TBL1X: variants seen among roughly 807,000 people sequenced by gnomAD.
The protein encoded by TBL1X is transducin beta like 1 X-linked, also known as F-box-like/WD repeat-containing protein TBL1X.
TBL1X carries 10 observed loss-of-function variants against 50.7 expected under a neutral mutation model. That is an observed-to-expected ratio of 0.20 (90% CI 0.12 to 0.33). TBL1X has a LOEUF of 0.33. TBL1X is among the 10% of genes least tolerant of loss of function. The probability of loss-of-function intolerance (pLI) is 1.00; values close to 1 mark genes in which losing one functional copy is unlikely to be tolerated. For synonymous variants in TBL1X, 190 were observed against 214.7 expected, an observed-to-expected ratio of 0.88 and a Z score of 1.01; for missense variants, 340 against 504.4, an observed-to-expected ratio of 0.67 and a Z score of 3.12.
intron 2 of TBL1X, among the ~76,000 whole-genome samples, chrX:9,527,247 T>G (rs2146970068): frequency 8.9e-6 from 1 of 111,812 alleles, no homozygotes; most frequent in East Asian, 2.8e-4. Context: ...CTGTCTCTAC[T>G]CACCACGGGA....
intron 2 of TBL1X, among the ~76,000 whole-genome samples, chrX:9,579,863 A>G (rs1476032865): frequency 9.0e-6 from 1 of 111,318 alleles, no homozygotes; most frequent in Non-Finnish European, 1.9e-5. Flanking sequence ...TGTCCAAGAA[A>G]GGAACAAAGG....
intron 2 of TBL1X, among the ~76,000 whole-genome samples, chrX:9,568,942 C>T (rs1411309842): frequency 2.1e-5 from 2 of 96,744 alleles, no homozygotes; most frequent in Non-Finnish European, 4.2e-5. Context: ...TCTCTCTGCA[C>T]GGTGCACTGT....
intron 5 of TBL1X, among the ~76,000 whole-genome samples, chrX:9,658,310 A>G (rs1258095639): frequency 9.0e-6 from 1 of 111,089 alleles, no homozygotes; most frequent in African/African-American, 3.3e-5. Flanking sequence ...CACTTGTGCT[A>G]TCTGGGCAGT....
At chrX:9,611,333 A>G (rs184684519) in intron 2 of TBL1X, among the ~76,000 whole-genome samples, 96 of 112,685 alleles carry the variant, frequency 8.5e-4, no homozygotes, top group Middle Eastern at 4.6e-3. Flanking sequence ...TTTGCATCCT[A>G]TAAAATAATG....
chrX:9,513,100 C>G (rs1034970513), intron 2 of TBL1X, among the ~76,000 whole-genome samples: 3 of 110,778 alleles, frequency 2.7e-5, no homozygotes, highest in African/African-American at 9.8e-5. Context: ...CCCCCAGAGT[C>G]TCGGCACAGT....
chrX:9,557,432 A>T (rs1223155132), intron 2 of TBL1X, among the ~76,000 whole-genome samples: 1 of 111,160 alleles, frequency 9.0e-6, no homozygotes, highest in East Asian at 2.8e-4. Flanking sequence ...GGTGCCAAGG[A>T]GGGCAGTGGC....
chrX:9,620,771 G>C lies in TBL1X; in HGVS notation c.-130-19502G>C, dbSNP rs149423987. On this transcript the variant is annotated intron_variant, in intron 2 of 17. Coordinates refer to ENST00000645353, the MANE Select transcript of TBL1X (RefSeq NM_005647.4). ...AGTGCTTTGCCGGCCATAATACTAA[G>C]AGGATGAGTGTGGACCTGAAACCCC... is the stretch of plus-strand genomic sequence containing the variant. 8.7e-3 allele frequency among the ~76,000 whole-genome samples: 968 copies of C among 111,702 alleles called. 16 individuals carry two copies. Among genetic ancestry groups the C allele is most frequent in the African/African-American group, 0.03 (931 of 30,732 alleles).
chrX:9,694,996 A>C (rs2083123081), intron 11 of TBL1X, among the ~76,000 whole-genome samples: 1 of 111,363 alleles, frequency 9.0e-6, no homozygotes, highest in Non-Finnish European at 1.9e-5. Flanking sequence ...ATAAATAAAT[A>C]AAATGATAGA....
At chrX:9,674,679 A>ACCCCCCCCCC (rs1569094481) in intron 5 of TBL1X, among the ~76,000 whole-genome samples, 1 of 1,051 alleles carries the variant, frequency 9.5e-4, no homozygotes, top group African/African-American at 3.7e-3. Context: ...CTCCCGCCTC[A>ACCCCCCCCCC]GCCCCCCCCC....
At chrX:9,569,137 T>C (rs898373064) in intron 2 of TBL1X, among the ~76,000 whole-genome samples, 1 of 105,174 alleles carries the variant, frequency 9.5e-6, no homozygotes, top group Admixed American at 1.0e-4. Flanking sequence ...GTGCGTTGTG[T>C]CTATCTGCAG....
intron 3 of TBL1X, 63 bp from the exon 4 acceptor site, chrX:9,653,482 T>G: frequency 1.4e-6 from 1 of 702,486 alleles, no homozygotes. Context: ...ATGCAGCGGA[T>G]TCTGTGGTGA....
At position 9,675,175 on chromosome X, in the gene TBL1X, G is replaced by A. The variant is rs777604863; in HGVS notation, c.212-8868G>A. 1.1e-4 allele frequency among the ~76,000 whole-genome samples: 12 copies of A among 112,144 alleles called. No homozygotes were observed. The East Asian group carries it at 3.4e-3, about 31-fold the overall frequency. The stretch of plus-strand genomic sequence containing the variant: ...CTCCAGCAGCTTGAGAAAGGGCATA[G>A]AGTGCTATCTGAGCTGGATTTGAAC... On this transcript the variant is annotated intron_variant, in intron 5 of 17. Transcript: ENST00000645353.
chrX:9,604,408 C>G (rs1480452943), intron 2 of TBL1X, among the ~76,000 whole-genome samples: 2 of 108,308 alleles, frequency 1.8e-5, no homozygotes, highest in South Asian at 4.0e-4. Flanking sequence ...CTTTCCCCCC[C>G]TTTTTTTTTT....
chrX:9,635,597 T>C (rs2082742444), intron 2 of TBL1X, among the ~76,000 whole-genome samples: 1 of 111,893 alleles, frequency 8.9e-6, no homozygotes, highest in Admixed American at 9.5e-5. Flanking sequence ...AGACAGTGCT[T>C]GCCAAGCAGG....
chrX:9,624,732 C>T (rs1983839344), intron 2 of TBL1X, among the ~76,000 whole-genome samples: 1 of 111,653 alleles, frequency 9.0e-6, no homozygotes, highest in African/African-American at 3.3e-5. Context: ...AAGAGAAAGG[C>T]GGGATTTGGG....
chrX:9,693,839 C>T (rs1177269947), intron 11 of TBL1X, among the ~76,000 whole-genome samples: 1 of 110,981 alleles, frequency 9.0e-6, no homozygotes, highest in Non-Finnish European at 1.9e-5. Context: ...TGCTTCCCAC[C>T]GTAGACCGCA....
intron 2 of TBL1X, chrX:9,560,404 C>T (rs964068409): frequency 8.9e-6 from 1 of 112,173 alleles, no homozygotes; most frequent in African/African-American, 3.2e-5. Flanking sequence ...TGCTGCCAGG[C>T]CAGCTGCATC....
intron 2 of TBL1X, among the ~76,000 whole-genome samples, chrX:9,603,808 C>T (rs2082568829): frequency 1.8e-5 from 2 of 111,108 alleles, no homozygotes; most frequent in African/African-American, 6.5e-5. Context: ...CTGAGGCCTC[C>T]AGGGGAGGAT....
chrX:9,508,213 C>T (rs193221723), intron 2 of TBL1X, among the ~76,000 whole-genome samples: 69 of 112,170 alleles, frequency 6.2e-4, no homozygotes, highest in African/African-American at 2.2e-3. Context: ...GGTCTAATAT[C>T]CAGAATTTGC....
Sources: gnomAD v4.1 joint callset for allele counts (sites outside exome capture counted in the v4.1 genomes callset) on GRCh38, gnomAD v4.1.1 for gene constraint, MANE v1.5 for transcripts, NCBI Gene and HGNC (gene_info 2026-07-23, HGNC 2026-07-21) for gene names.